PFDN1: variants seen among roughly 807,000 people sequenced by gnomAD.
PFDN1 encodes prefoldin 1.
PFDN1 carries 6 observed loss-of-function variants against 17.3 expected under a neutral mutation model. The ratio of observed to expected loss-of-function variants is 0.35; its 90% confidence interval spans 0.19 to 0.69. The LOEUF is 0.69. Ranked by LOEUF, PFDN1 falls within the 30% of genes least tolerant of loss-of-function variation. The probability of loss-of-function intolerance (pLI) is 0.65; values close to 1 mark genes in which losing one functional copy is unlikely to be tolerated. For synonymous variants in PFDN1, 58 were observed against 50.1 expected, an observed-to-expected ratio of 1.16 and a Z score of -0.67; for missense variants, 113 against 146.2, an observed-to-expected ratio of 0.77 and a Z score of 1.17.
chr5:140,261,855 A>G (rs1765070033), intron 3 of PFDN1, among the ~76,000 whole-genome samples: 1 of 152,088 alleles, frequency 6.6e-6, no homozygotes, highest in African/African-American at 2.4e-5. Context: ...TTGAGAGGTC[A>G]GGTCCACATC....
chr5:140,262,595 G>C (rs1310115687), intron 3 of PFDN1: 1 of 453,384 alleles, frequency 2.2e-6, no homozygotes, highest in Non-Finnish European at 4.4e-6. Flanking sequence ...GCTTCATATG[G>C]AATGAAAAAA....
At chr5:140,260,426 G>A (rs1177403216) in intron 3 of PFDN1, among the ~76,000 whole-genome samples, 1 of 151,640 alleles carries the variant, frequency 6.6e-6, no homozygotes, top group African/African-American at 2.4e-5. Context: ...CAGCCAAAAA[G>A]GGGAAAACAA....
At chr5:140,263,951 G>A (rs1224507656) in intron 3 of PFDN1, among the ~76,000 whole-genome samples, 1 of 142,616 alleles carries the variant, frequency 7.0e-6, no homozygotes, top group African/African-American at 2.6e-5. Context: ...AACCCGGGAG[G>A]TGGAGCTTGC....
chr5:140,273,976 T>G (rs1164524585), intron 3 of PFDN1: 1 of 595,388 alleles, frequency 1.7e-6, no homozygotes, highest in African/African-American at 2.0e-5. Flanking sequence ...GGCAAAAATG[T>G]GTTCAAATGT....
At chr5:140,298,740 G>C (rs1391915648) in intron 2 of PFDN1, among the ~76,000 whole-genome samples, 1 of 151,688 alleles carries the variant, frequency 6.6e-6, no homozygotes, top group African/African-American at 2.4e-5. Context: ...ATGACACTTA[G>C]AATGAGTGTA....
chr5:140,294,524 T>A (rs1270859535), intron 2 of PFDN1, among the ~76,000 whole-genome samples: 8 of 152,004 alleles, frequency 5.3e-5, no homozygotes, highest in Non-Finnish European at 1.2e-4. Context: ...ATATATTTCA[T>A]CCCACCTTTA....
chr5:140,253,887 T>C (rs746021801), intron 3 of PFDN1, among the ~76,000 whole-genome samples: 4 of 152,188 alleles, frequency 2.6e-5, no homozygotes, highest in Non-Finnish European at 4.4e-5. Flanking sequence ...TAGAAGGGCA[T>C]ATTCTTATGC....
chr5:140,299,042 T>G (rs1765695723), intron 2 of PFDN1, among the ~76,000 whole-genome samples: 1 of 152,146 alleles, frequency 6.6e-6, no homozygotes, highest in South Asian at 2.1e-4. Context: ...TGAGCCACTA[T>G]GCCTGGCCAG....
intron 3 of PFDN1, among the ~76,000 whole-genome samples, chr5:140,263,045 T>C (rs1268421534): frequency 4.6e-5 from 7 of 152,196 alleles, no homozygotes; most frequent in Non-Finnish European, 8.8e-5. Context: ...TGATCTGTAT[T>C]ATGTTACAAG....
At position 140,297,203 on chromosome 5, in the gene PFDN1, C is replaced by T. The variant is rs115884696; in HGVS notation, c.200+3213G>A. Among the ~76,000 whole-genome samples, 1,436 of 152,086 alleles carry T rather than the reference C, an allele frequency of 9.4e-3. 20 individuals carry two copies. The highest frequency in any genetic ancestry group is 0.033 in the African/African-American group (1,365 of 41,470). On this transcript the variant is annotated intron_variant, in intron 2 of 3. Transcript: ENST00000261813. The stretch of plus-strand genomic sequence containing the variant: ...GGATTTTATTATAACCATTTTATTA[C>T]GGTTTTAAAATGAAAATTTGGGAAA...
chr5:140,270,707 C>T (rs1042955299), intron 3 of PFDN1, among the ~76,000 whole-genome samples: 24 of 152,170 alleles, frequency 1.6e-4, no homozygotes, highest in South Asian at 4.1e-4. Flanking sequence ...GGGCGGATAA[C>T]GGGGTCAGGA....
chr5:140,292,628 AAACAAGAGTTGGT>A (rs1346625367), intron 2 of PFDN1, among the ~76,000 whole-genome samples: 1 of 152,166 alleles, frequency 6.6e-6, no homozygotes, highest in Admixed American at 6.5e-5. Flanking sequence ...ATCTACTGCA[AAACAAGAGTTGGT>A]AATAAGAGTT....
In PFDN1 at chr5:140,249,111, G is replaced by A. The variant is rs1051992941; in HGVS notation, c.286-3054C>T. On this transcript the variant is annotated intron_variant, in intron 3 of 3. Coordinates refer to ENST00000261813, the MANE Select transcript of PFDN1 (RefSeq NM_002622.5). The stretch of plus-strand genomic sequence containing the variant: ...TCCCCAAGCATATTTAAGCCCAGAA[G>A]ACTCTCATCATAATCAAACCCAGAA... Among the ~76,000 whole-genome samples, 8 of 152,354 alleles carry A rather than the reference G, an allele frequency of 5.3e-5. No individual in the cohort carries two copies. The East Asian group carries it at 1.5e-3, about 29-fold the overall frequency.
intron 3 of PFDN1, among the ~76,000 whole-genome samples, chr5:140,258,531 T>C (rs913758745): frequency 8.6e-5 from 13 of 151,560 alleles, no homozygotes; most frequent in African/African-American, 3.2e-4. Flanking sequence ...ACTGCAATCG[T>C]CTTGGAAAGA....
chr5:140,293,572 C>A (rs1276330547), intron 2 of PFDN1, among the ~76,000 whole-genome samples: 1 of 151,912 alleles, frequency 6.6e-6, no homozygotes, highest in Non-Finnish European at 1.5e-5. Flanking sequence ...AATCTTTAGA[C>A]TGGGGCATAT....
chr5:140,246,225 G>A (rs559963155), intron 3 of PFDN1, among the ~76,000 whole-genome samples, 168 bp from the exon 4 acceptor site: 113 of 152,238 alleles, frequency 7.4e-4, no homozygotes, highest in Non-Finnish European at 1.9e-4. Context: ...CCTCACCTCC[G>A]AACCATGGGT....
chr5:140,288,917 G>A (rs1486580490), intron 2 of PFDN1, among the ~76,000 whole-genome samples: 1 of 150,762 alleles, frequency 6.6e-6, no homozygotes, highest in African/African-American at 2.4e-5. Flanking sequence ...CCCAGAAGGC[G>A]GAGTTTGCAG....
intron 3 of PFDN1, among the ~76,000 whole-genome samples, chr5:140,267,066 G>A (rs529068938): frequency 1.6e-4 from 23 of 146,508 alleles, no homozygotes; most frequent in Admixed American, 1.4e-3. Context: ...CACTTGCTGC[G>A]GTGCGGGTTA....
intron 3 of PFDN1, among the ~76,000 whole-genome samples, chr5:140,275,655 C>T (rs1391945678): frequency 6.6e-6 from 1 of 151,950 alleles, no homozygotes; most frequent in Non-Finnish European, 1.5e-5. Flanking sequence ...CAGGAGAGGG[C>T]AAGTATAAAG....
Sources: gnomAD v4.1 joint callset for allele counts (sites outside exome capture counted in the v4.1 genomes callset) on GRCh38, gnomAD v4.1.1 for gene constraint, MANE v1.5 for transcripts, NCBI Gene and HGNC (gene_info 2026-07-23, HGNC 2026-07-21) for gene names.